The following CAMTA1 variants were observed in gnomAD, a reference collection of about 807,000 sequenced individuals.
The protein encoded by CAMTA1 is calmodulin binding transcription activator 1, also known as calmodulin-binding transcription activator 1.
In CAMTA1, 27 loss-of-function variants were observed where a neutral mutation model predicts 170.9. The ratio of observed to expected loss-of-function variants is 0.16; its 90% CI spans 0.12 to 0.22. The LOEUF is 0.22. Among genes scored for constraint, CAMTA1 ranks in the 10% least tolerant of loss-of-function variants. The probability of loss-of-function intolerance (pLI) is 1.00; values close to 1 mark genes in which losing one functional copy is unlikely to be tolerated. For missense variants in CAMTA1, 1,619 were observed against 2,217.2 expected (o/e 0.73, Z 5.42); for synonymous variants, 833 against 891.5 (o/e 0.93, Z 1.17).
At chr1:7,301,624 C>T (rs1346374068) in intron 5 of CAMTA1, among the ~76,000 whole-genome samples, 2 of 152,156 alleles carry the variant, frequency 1.3e-5, no homozygotes, top group Admixed American at 6.5e-5. Context: ...CTGCTCACCT[C>T]TTCCCCACAG....
intron 6 of CAMTA1, among the ~76,000 whole-genome samples, chr1:7,504,304 C>T (rs530059842): frequency 2.6e-5 from 4 of 152,348 alleles, no homozygotes; most frequent in Non-Finnish European, 5.9e-5. Context: ...CTCATGGCCC[C>T]GTGGAACCCC....
chr1:7,363,256 A>G (rs2085696424), intron 5 of CAMTA1, among the ~76,000 whole-genome samples: 1 of 152,206 alleles, frequency 6.6e-6, no homozygotes, highest in African/African-American at 2.4e-5. Flanking sequence ...ATCTCTTTTA[A>G]TGTTCAGCTG....
At chr1:7,622,616 T>C (rs751648667) in intron 6 of CAMTA1, among the ~76,000 whole-genome samples, 4 of 152,250 alleles carry the variant, frequency 2.6e-5, no homozygotes, top group Non-Finnish European at 4.4e-5. Flanking sequence ...TGTGAGTATT[T>C]GATCTTGGCC....
chr1:6,802,347 G>A (rs186625881), intron 1 of CAMTA1, among the ~76,000 whole-genome samples: 6 of 152,254 alleles, frequency 3.9e-5, no homozygotes, highest in Admixed American at 3.9e-4. Flanking sequence ...ACTGGGTATT[G>A]GACTGACTCC....
chr1:7,667,152 G>T (rs1394569031), intron 9 of CAMTA1, among the ~76,000 whole-genome samples: 4 of 152,092 alleles, frequency 2.6e-5, no homozygotes, highest in African/African-American at 9.7e-5. Flanking sequence ...GCCTCCCAAA[G>T]TGCTGGGATT....
intron 4 of CAMTA1, among the ~76,000 whole-genome samples, chr1:7,231,727 C>A (rs1371761315): frequency 6.6e-6 from 1 of 152,180 alleles, no homozygotes; most frequent in African/African-American, 2.4e-5. Flanking sequence ...ATGACAGCTC[C>A]CCTATGCGGC....
intron 5 of CAMTA1, among the ~76,000 whole-genome samples, chr1:7,308,863 A>G (rs1380234237): frequency 6.6e-6 from 1 of 152,186 alleles, no homozygotes; most frequent in Non-Finnish European, 1.5e-5. Flanking sequence ...GAGTTGTTCT[A>G]TGACTGATTT....
chr1:7,663,434 G>A lies in CAMTA1; in HGVS notation c.887G>A (p.Gly296Glu). The A allele has an allele frequency of 6.3e-7, 1 of 1,574,914 alleles. No individual in the cohort carries two copies. The highest frequency in any genetic ancestry group is 8.7e-7 in the Non-Finnish European group (1 of 1,155,060). ...ISPKVEPRTG[G>E]YGSHSEVQHN... is the part of the protein sequence containing the mutation. ...CCCAAGGTGGAGCCACGGACAGGGG[G>A]GTACGGGAGCCACTCGGAGGTGCAG... The change falls in exon 9 of 23, where the codon GGG (glycine) becomes GAG (glutamate). Residue 296 changes from glycine (G) to glutamate (E), a missense_variant. Gly to Glu is a moderately conservative substitution (Grantham distance 98). Transcript: ENST00000303635.
At chr1:7,311,871 T>C (rs1676776070) in intron 5 of CAMTA1, among the ~76,000 whole-genome samples, 1 of 152,152 alleles carries the variant, frequency 6.6e-6, no homozygotes, top group Non-Finnish European at 1.5e-5. Context: ...CACCATACAG[T>C]GGCCAGTCTG....
At chr1:7,395,580 T>C (rs2089233878) in intron 5 of CAMTA1, among the ~76,000 whole-genome samples, 1 of 152,206 alleles carries the variant, frequency 6.6e-6, no homozygotes, top group South Asian at 2.1e-4. Flanking sequence ...CCATATGAAT[T>C]TCCTGATTGT....
At chr1:6,936,063 T>TC (rs1362553453) in intron 3 of CAMTA1, among the ~76,000 whole-genome samples, 2 of 152,298 alleles carry the variant, frequency 1.3e-5, no homozygotes, top group Non-Finnish European at 2.9e-5. Flanking sequence ...CTCTTTCTCT[T>TC]CCGTTAAAAC....
At chr1:7,387,891 C>T (rs1229429229) in intron 5 of CAMTA1, among the ~76,000 whole-genome samples, 1 of 152,218 alleles carries the variant, frequency 6.6e-6, no homozygotes, top group African/African-American at 2.4e-5. Context: ...CTCCCCCTCA[C>T]TTGGCTTTTC....
chr1:6,887,631 C>A lies in CAMTA1; in HGVS notation c.234+62421C>A. On this transcript the variant is annotated intron_variant, in intron 3 of 22. Transcript: ENST00000303635. This position sits in a 1 kb window ranked among gnomAD's most constrained non-coding sequence, Gnocchi z 4.1. ...AGAAATAGAAGCGACGGTTTTGACCCATTTTACACCTATTTATTTCAGGCT... is the reference window on the plus strand; with the variant it reads ...AGAAATAGAAGCGACGGTTTTGACCAATTTTACACCTATTTATTTCAGGCT... 1 of 1,533,120 alleles carries A rather than the reference C, an allele frequency of 6.5e-7. No homozygotes were observed. Among genetic ancestry groups the A allele is most frequent in the South Asian group, 1.2e-5 (1 of 83,466 alleles). The allele number at this position is 1,533,120 out of a possible 1,614,324, so 95.0% of individuals were successfully genotyped here.
At chr1:7,554,451 C>T (rs1043210358) in intron 6 of CAMTA1, among the ~76,000 whole-genome samples, 4 of 152,000 alleles carry the variant, frequency 2.6e-5, no homozygotes, top group Non-Finnish European at 5.9e-5. Flanking sequence ...CCTCCCGTGC[C>T]CAGGGCAGAC....
intron 5 of CAMTA1, among the ~76,000 whole-genome samples, chr1:7,281,404 T>C (rs1461995534): frequency 2.6e-5 from 4 of 152,208 alleles, no homozygotes; most frequent in Non-Finnish European, 4.4e-5. Flanking sequence ...AAAACCTTAT[T>C]ACCAGGTAGG....
intron 6 of CAMTA1, among the ~76,000 whole-genome samples, chr1:7,517,899 G>A (rs1161215794): frequency 2.0e-5 from 3 of 151,984 alleles, no homozygotes; most frequent in Non-Finnish European, 4.4e-5. Flanking sequence ...AGGAGGCCTG[G>A]AGGACCCCTC....
intron 3 of CAMTA1, among the ~76,000 whole-genome samples, chr1:6,923,811 C>T (rs1300080946): frequency 6.6e-6 from 1 of 152,210 alleles, no homozygotes; most frequent in East Asian, 1.9e-4. Flanking sequence ...ACACCTTTAC[C>T]TTCCCATGAG....
intron 3 of CAMTA1, among the ~76,000 whole-genome samples, chr1:7,074,576 T>TAAA (rs1639059194): frequency 6.6e-6 from 1 of 152,234 alleles, no homozygotes; most frequent in Non-Finnish European, 1.5e-5. Flanking sequence ...TTGCTTTTTC[T>TAAA]CCTCAATGTT....
At chr1:6,962,353 T>TCCCCC (rs1690583576) in intron 3 of CAMTA1, among the ~76,000 whole-genome samples, 3 of 81,922 alleles carry the variant, frequency 3.7e-5, no homozygotes, top group Admixed American at 1.2e-4. Context: ...CGCCTGCCCC[T>TCCCCC]CCCCACCCCG....
Sources: gnomAD v4.1 joint callset for allele counts (sites outside exome capture counted in the v4.1 genomes callset) on GRCh38, gnomAD v4.1.1 for gene constraint, Gnocchi (gnomAD v3.1) non-coding constraint, MANE v1.5 for transcripts, NCBI Gene and HGNC (gene_info 2026-07-23, HGNC 2026-07-21) for gene names.